The following CTNND2 variants were observed in gnomAD, a reference collection of about 807,000 sequenced individuals.
The protein encoded by CTNND2 is catenin delta-2.
A neutral mutation model predicts 144.4 loss-of-function variants in CTNND2; 22 were observed. The observed-to-expected ratio is 0.15, with a 90% confidence interval of 0.11 to 0.22. The LOEUF (loss-of-function observed/expected upper bound fraction) is 0.22, where lower values mean the gene tolerates loss of function less well. CTNND2 is among the 10% of genes least tolerant of loss of function. The pLI is 1.00. For missense variants in CTNND2, 1,353 were observed against 1,618.8 expected (o/e 0.84, Z 2.82); for synonymous variants, 751 against 695.6 (o/e 1.08, Z -1.25).
At chr5:11,300,174 G>T (rs1032935821) in intron 9 of CTNND2, among the ~76,000 whole-genome samples, 1 of 152,062 alleles carries the variant, frequency 6.6e-6, no homozygotes, top group African/African-American at 2.4e-5. Flanking sequence ...CATGGGGAAC[G>T]GATAGGATTT....
intron 1 of CTNND2, among the ~76,000 whole-genome samples, chr5:11,799,581 T>A (rs997808433): frequency 6.6e-6 from 1 of 152,322 alleles, no homozygotes; most frequent in African/African-American, 2.4e-5. Flanking sequence ...TATACAGACT[T>A]TTTTGTGGAA....
intron 2 of CTNND2, among the ~76,000 whole-genome samples, chr5:11,690,759 A>G (rs1168817832): frequency 6.7e-6 from 1 of 149,978 alleles, no homozygotes; most frequent in Admixed American, 6.6e-5. Flanking sequence ...AAAAAAAAAA[A>G]AAAAAAAAAA....
At chr5:11,503,500 G>A (rs762202073) in intron 3 of CTNND2, among the ~76,000 whole-genome samples, 3 of 152,114 alleles carry the variant, frequency 2.0e-5, no homozygotes, top group Admixed American at 2.0e-4. Flanking sequence ...AATGAATTTC[G>A]TGAGCTGCCA....
rs1311680965 is a variant in CTNND2 at position 11,183,776 on chromosome 5, C to G, written c.1975+15672G>C. Among the ~76,000 whole-genome samples the G allele has an allele frequency of 2.0e-5, 3 of 152,158 alleles. No individual in the cohort carries two copies. In the East Asian group the frequency reaches 5.8e-4, roughly 29 times the overall value. On this transcript the variant is annotated intron_variant, in intron 11 of 21. Transcript: ENST00000304623. Reference sequence around the variant, plus strand: ...GTTTTATCATGTTGGCCAGGCTGGTCTCGAACCCCTGACCTCAAGTGATCC... The same window carrying G: ...GTTTTATCATGTTGGCCAGGCTGGTGTCGAACCCCTGACCTCAAGTGATCC...
chr5:11,312,094 A>C, intron 9 of CTNND2, among the ~76,000 whole-genome samples: 1 of 140,566 alleles, frequency 7.1e-6, no homozygotes, highest in African/African-American at 2.7e-5. Flanking sequence ...CACTCCCCAT[A>C]CACACACCCC....
At chr5:11,314,310 C>G (rs1751289206) in intron 9 of CTNND2, among the ~76,000 whole-genome samples, 1 of 152,134 alleles carries the variant, frequency 6.6e-6, no homozygotes. Context: ...GGATTCCTGT[C>G]TGCTCCCAAG....
chr5:11,531,793 G>C (rs1773769556), intron 3 of CTNND2, among the ~76,000 whole-genome samples: 2 of 152,282 alleles, frequency 1.3e-5, no homozygotes, highest in Middle Eastern at 3.4e-3. Context: ...TCCTTTCTAT[G>C]AATACTTTAC....
At chr5:11,496,756 C>T (rs1769986287) in intron 3 of CTNND2, among the ~76,000 whole-genome samples, 1 of 152,124 alleles carries the variant, frequency 6.6e-6, no homozygotes, top group Non-Finnish European at 1.5e-5. Flanking sequence ...TTTTGAATTC[C>T]AAATTCATTT....
intron 3 of CTNND2, among the ~76,000 whole-genome samples, chr5:11,512,658 A>C (rs1234880490): frequency 6.6e-6 from 1 of 152,144 alleles, no homozygotes; most frequent in Non-Finnish European, 1.5e-5. Context: ...CACTCTCCCT[A>C]GGTAGGTCCA....
chr5:11,406,352 T>C (rs1309159844), intron 5 of CTNND2, among the ~76,000 whole-genome samples: 4 of 152,166 alleles, frequency 2.6e-5, no homozygotes, highest in African/African-American at 9.7e-5. Context: ...GTTTCCACTA[T>C]AATAGAAAGC....
At chr5:11,311,021 A>C in intron 9 of CTNND2, among the ~76,000 whole-genome samples, 1 of 105,118 alleles carries the variant, frequency 9.5e-6, no homozygotes. Context: ...CACACACAAT[A>C]CACTCACACA....
At chr5:11,685,331 G>C (rs575626505) in intron 2 of CTNND2, among the ~76,000 whole-genome samples, 1 of 152,258 alleles carries the variant, frequency 6.6e-6, no homozygotes, top group East Asian at 1.9e-4. Flanking sequence ...TGAAAGCAAA[G>C]TGTCAGCCAT....
intron 3 of CTNND2, among the ~76,000 whole-genome samples, chr5:11,462,173 C>T (rs1213492823): frequency 6.6e-6 from 1 of 152,038 alleles, no homozygotes; most frequent in Non-Finnish European, 1.5e-5. Flanking sequence ...GGTTTTGCCC[C>T]AGCATACCAA....
intron 12 of CTNND2, 121 bp downstream of exon 12, chr5:11,159,455 T>A (rs922311150): frequency 4.4e-5 from 35 of 789,140 alleles, no homozygotes; most frequent in Non-Finnish European, 5.9e-5. Context: ...CGTTGCCACA[T>A]CAACATTCAT....
chr5:11,103,926 CCAA>C (rs1752162460), intron 14 of CTNND2, among the ~76,000 whole-genome samples: 1 of 152,132 alleles, frequency 6.6e-6, no homozygotes, highest in African/African-American at 2.4e-5. Context: ...TGAGGAGACA[CCAA>C]CAAGGAGCAG....
chr5:11,221,624 T>TA (rs1739803568), intron 10 of CTNND2, among the ~76,000 whole-genome samples: 1 of 152,244 alleles, frequency 6.6e-6, no homozygotes, highest in Non-Finnish European at 1.5e-5. Flanking sequence ...CATCACATGA[T>TA]ACGAAGCCTT....
At chr5:11,790,554 A>G (rs2126867437) in intron 1 of CTNND2, among the ~76,000 whole-genome samples, 1 of 152,296 alleles carries the variant, frequency 6.6e-6, no homozygotes, top group South Asian at 2.1e-4. Flanking sequence ...TACCTAGGGC[A>G]CACAAGATTT....
At chr5:11,232,879 G>A (rs1327872750) in intron 10 of CTNND2, among the ~76,000 whole-genome samples, 1 of 152,194 alleles carries the variant, frequency 6.6e-6, no homozygotes, top group Non-Finnish European at 1.5e-5. Context: ...GTAGGACCAG[G>A]TGGAGGTAAT....
At chr5:11,580,131 T>C (rs1193779348) in intron 2 of CTNND2, among the ~76,000 whole-genome samples, 2 of 152,148 alleles carry the variant, frequency 1.3e-5, no homozygotes, top group Non-Finnish European at 2.9e-5. Context: ...ATTTTTTTTT[T>C]TCTCAAAAAG....
Sources: gnomAD v4.1 joint callset for allele counts (sites outside exome capture counted in the v4.1 genomes callset) on GRCh38, gnomAD v4.1.1 for gene constraint, MANE v1.5 for transcripts, NCBI Gene and HGNC (gene_info 2026-07-23, HGNC 2026-07-21) for gene names.